The following STK32A variants were observed in gnomAD, a reference collection of about 807,000 sequenced individuals.
STK32A encodes serine/threonine kinase 32A, also known as serine/threonine-protein kinase 32A.
Under a neutral mutation model 53.2 loss-of-function variants are expected in STK32A, and 41 were observed. The ratio of observed to expected loss-of-function variants is 0.77; its 90% CI spans 0.60 to 1.00. STK32A has a LOEUF of 1.00. STK32A is among the 50% of genes least tolerant of loss of function. The pLI, the probability that STK32A is intolerant of heterozygous loss-of-function variation, is 0.00. For synonymous variants in STK32A, 166 were observed against 162.8 expected (o/e 1.02, Z -0.15); for missense variants, 458 against 485.8 (o/e 0.94, Z 0.54).
chr5:147,296,383 C>T (rs552579710), intron 4 of STK32A, among the ~76,000 whole-genome samples: 2 of 152,052 alleles, frequency 1.3e-5, no homozygotes, highest in East Asian at 3.9e-4. Context: ...TGTTGGCAGG[C>T]TTCTCGGGGG....
At chr5:147,253,920 C>T (rs73793362) in intron 2 of STK32A, among the ~76,000 whole-genome samples, 1 of 152,124 alleles carries the variant, frequency 6.6e-6, no homozygotes, top group Non-Finnish European at 1.5e-5. Context: ...CAGTTAAGGA[C>T]AAAAATAATT....
chr5:147,292,113 C>T (rs1752626588), intron 4 of STK32A, among the ~76,000 whole-genome samples: 1 of 152,194 alleles, frequency 6.6e-6, no homozygotes, highest in Non-Finnish European at 1.5e-5. Context: ...CAAATGATGA[C>T]ATTCTTTACT....
chr5:147,348,255 G>A (rs1169913502), intron 6 of STK32A, among the ~76,000 whole-genome samples: 4 of 152,178 alleles, frequency 2.6e-5, no homozygotes, highest in African/African-American at 9.7e-5. Context: ...AGTGTAAACA[G>A]CATTTAAAAG....
At chr5:147,354,933 T>G (rs57131562) in intron 7 of STK32A, among the ~76,000 whole-genome samples, 6,203 of 152,290 alleles carry the variant, frequency 0.041, 424 homozygotes, top group African/African-American at 0.14. Flanking sequence ...GCCACACTCC[T>G]CCTTTTGGAT....
In STK32A at chr5:147,272,946, T is replaced by G. The variant is rs552010242; in HGVS notation, c.53-5178T>G. Among the ~76,000 whole-genome samples the G allele has an allele frequency of 5.3e-5, 8 of 152,320 alleles. No individual in the cohort carries two copies. In the South Asian group the frequency reaches 1.7e-3, roughly 32 times the overall value. On this transcript the variant is annotated intron_variant, in intron 2 of 12. Transcript: ENST00000397936. ...GCAAGGTGTGCTGTTCTCAATAGAC[T>G]CACTTATGTTCATGATTTGGTACTT...
rs571321728 is a variant in STK32A at position 147,336,837 on chromosome 5, T to C, written c.435-6169T>C. ...TTACAGAATTATATGTATAATATTT[T>C]TCCCCTCTCCAGAACTTGGCGATGG... On this transcript the variant is annotated intron_variant, in intron 5 of 12. Coordinates refer to ENST00000397936, the MANE Select transcript of STK32A (RefSeq NM_001112724.2). 7.2e-5 allele frequency among the ~76,000 whole-genome samples: 11 copies of C among 152,336 alleles called. No individual in the cohort carries two copies. The South Asian group carries it at 2.1e-3, about 29-fold the overall frequency.
intron 2 of STK32A, among the ~76,000 whole-genome samples, chr5:147,246,686 A>G (rs2151940461): frequency 1.3e-5 from 2 of 152,304 alleles, no homozygotes; most frequent in East Asian, 3.9e-4. Flanking sequence ...ATGGCAACAA[A>G]TTTTTACATG....
intron 4 of STK32A, 37 bp downstream of exon 4, chr5:147,279,435 C>G: frequency 6.5e-7 from 1 of 1,538,780 alleles, no homozygotes; most frequent in Non-Finnish European, 8.8e-7. Flanking sequence ...TAGAGACACT[C>G]CTGTTATCGG....
intron 8 of STK32A, among the ~76,000 whole-genome samples, chr5:147,369,783 G>A (rs951632906): frequency 7.2e-5 from 11 of 152,094 alleles, no homozygotes; most frequent in African/African-American, 2.4e-4. Flanking sequence ...ATCGAATATG[G>A]AAATTTTGTT....
chr5:147,235,874 A>C (rs1360011328), intron 1 of STK32A, among the ~76,000 whole-genome samples: 2 of 152,256 alleles, frequency 1.3e-5, no homozygotes, highest in East Asian at 3.8e-4. Context: ...ATGCTTTAAA[A>C]ATAAAAATGA....
At chr5:147,349,731 G>A (rs371084939) in intron 6 of STK32A, among the ~76,000 whole-genome samples, 4 of 152,246 alleles carry the variant, frequency 2.6e-5, no homozygotes, top group African/African-American at 2.4e-5. Context: ...AGGACTTAGA[G>A]TCTACTATGT....
chr5:147,394,311 T>A, the STK32A span, among the ~76,000 whole-genome samples: 1 of 152,188 alleles, frequency 6.6e-6, no homozygotes, highest in Non-Finnish European at 1.5e-5. Context: ...CCCCGAAAAC[T>A]AGCCTCTGGT....
chr5:147,348,465 C>T (rs1373750870), intron 6 of STK32A, among the ~76,000 whole-genome samples: 2 of 152,106 alleles, frequency 1.3e-5, no homozygotes, highest in South Asian at 2.1e-4. Flanking sequence ...GGGGACGGGG[C>T]GTAAGAATCT....
At chr5:147,396,285 T>C in the STK32A span, among the ~76,000 whole-genome samples, 1 of 152,132 alleles carries the variant, frequency 6.6e-6, no homozygotes, top group Non-Finnish European at 1.5e-5. Flanking sequence ...GGCTGTGAAC[T>C]TGCCCTGGGA....
At chr5:147,383,806 G>T in intron 12 of STK32A, 84 bp from the exon 13 acceptor site, 2 of 1,205,296 alleles carry the variant, frequency 1.7e-6, no homozygotes, top group South Asian at 1.6e-5. Flanking sequence ...ATAAATTATT[G>T]GGCTTAATAT....
At position 147,343,036 on chromosome 5, in the gene STK32A, C is replaced by T. The variant is rs182121665; in HGVS notation, c.465C>T (p.Asp155=). Residue 155 remains aspartate, a synonymous_variant, in exon 6 of 13, where the codon GAC becomes GAT. Transcript: ENST00000397936. ...RDMKPDNILL[D]EHGHVHITDF... is the part of the protein sequence containing the mutation. ...TGAAGCCTGACAATATTTTACTTGACGAACATGGTAAGTGAGTGATTTGTT... is the reference window on the plus strand; with the variant it reads ...TGAAGCCTGACAATATTTTACTTGATGAACATGGTAAGTGAGTGATTTGTT... The T allele has an allele frequency of 2.2e-4, 350 of 1,613,230 alleles. 2 individuals carry two copies. The African/African-American group carries it at 3.6e-3, about 17-fold the overall frequency.
Position 147,359,087 on chromosome 5 carries a change from G to A in STK32A, c.563-2430G>A, listed in dbSNP as rs539517516. Among the ~76,000 whole-genome samples, 4 of 152,244 alleles carry A rather than the reference G, an allele frequency of 2.6e-5. No homozygotes were observed. In the East Asian group the frequency reaches 7.7e-4, roughly 29 times the overall value. On this transcript the variant is annotated intron_variant, in intron 7 of 12. Coordinates refer to ENST00000397936, the MANE Select transcript of STK32A (RefSeq NM_001112724.2). ...GAATATATGTATAGAAATACATAAT[G>A]AGCAATACCAAACAAAATACTCAGT...
At chr5:147,323,131 T>C (rs1561719421) in intron 4 of STK32A, among the ~76,000 whole-genome samples, 1 of 152,364 alleles carries the variant, frequency 6.6e-6, no homozygotes, top group South Asian at 2.1e-4. Context: ...TGTTTAACTT[T>C]GTGCATTTCC....
At chr5:147,282,800 T>C (rs950821744) in intron 4 of STK32A, among the ~76,000 whole-genome samples, 3 of 152,114 alleles carry the variant, frequency 2.0e-5, no homozygotes, top group Non-Finnish European at 4.4e-5. Flanking sequence ...ATAAAACAAT[T>C]ACTAATTGAC....
Sources: gnomAD v4.1 joint callset for allele counts (sites outside exome capture counted in the v4.1 genomes callset) on GRCh38, gnomAD v4.1.1 for gene constraint, MANE v1.5 for transcripts, NCBI Gene and HGNC (gene_info 2026-07-23, HGNC 2026-07-21) for gene names.